CTNND2: variants seen among roughly 807,000 people sequenced by gnomAD.
CTNND2 encodes the protein catenin delta 2.
Under a neutral mutation model 144.4 loss-of-function variants are expected in CTNND2, and 22 were observed. That is an observed-to-expected ratio of 0.15 (90% CI 0.11 to 0.22). CTNND2 has a LOEUF of 0.22. Ranked by LOEUF, CTNND2 falls within the 10% of genes least tolerant of loss-of-function variation. The pLI is 1.00. For missense variants in CTNND2, 1,353 were observed against 1,618.8 expected (o/e 0.84, Z 2.82); for synonymous variants, 751 against 695.6 (o/e 1.08, Z -1.25).
At chr5:11,558,715 T>C (rs1362221318) in intron 3 of CTNND2, among the ~76,000 whole-genome samples, 1 of 152,100 alleles carries the variant, frequency 6.6e-6, no homozygotes, top group Non-Finnish European at 1.5e-5. Context: ...GCCCAGGTTG[T>C]CAGGATCAGG....
chr5:11,205,556 T>C (rs1737955933), intron 10 of CTNND2, among the ~76,000 whole-genome samples: 1 of 152,168 alleles, frequency 6.6e-6, no homozygotes, highest in East Asian at 1.9e-4. Context: ...AGCAGATGTA[T>C]GTAGAAATTG....
At chr5:11,647,082 G>C (rs759629135) in intron 2 of CTNND2, among the ~76,000 whole-genome samples, 7 of 152,054 alleles carry the variant, frequency 4.6e-5, no homozygotes, top group Non-Finnish European at 1.0e-4. Flanking sequence ...CAGAGTACTC[G>C]GTCACCACTG....
intron 11 of CTNND2, among the ~76,000 whole-genome samples, chr5:11,171,753 T>A (rs896505875): frequency 6.6e-6 from 1 of 152,170 alleles, no homozygotes; most frequent in Admixed American, 6.5e-5. Context: ...AAAGTCACCA[T>A]GGGAGGGCAT....
At chr5:11,833,546 C>G (rs1794019704) in intron 1 of CTNND2, among the ~76,000 whole-genome samples, 1 of 151,942 alleles carries the variant, frequency 6.6e-6, no homozygotes, top group Non-Finnish European at 1.5e-5. Flanking sequence ...TGTTTTGAGA[C>G]AGAGTCTTGC....
At chr5:11,610,506 T>C (rs1209158431) in intron 2 of CTNND2, among the ~76,000 whole-genome samples, 2 of 152,182 alleles carry the variant, frequency 1.3e-5, no homozygotes, top group African/African-American at 4.8e-5. Flanking sequence ...TAAATTACTA[T>C]GTTTTAATGC....
At chr5:11,425,846 C>A (rs987635962) in intron 3 of CTNND2, among the ~76,000 whole-genome samples, 2 of 152,134 alleles carry the variant, frequency 1.3e-5, no homozygotes, top group African/African-American at 2.4e-5. Context: ...GTTGGTTGGG[C>A]TCTCCTGAGA....
At chr5:11,401,025 T>C (rs1281094200) in intron 5 of CTNND2, among the ~76,000 whole-genome samples, 1 of 152,216 alleles carries the variant, frequency 6.6e-6, no homozygotes, top group Non-Finnish European at 1.5e-5. Flanking sequence ...GCCTCAGATT[T>C]TGGTGCTTCT....
intron 9 of CTNND2, among the ~76,000 whole-genome samples, chr5:11,334,874 A>G (rs1276709224): frequency 6.6e-6 from 1 of 152,198 alleles, no homozygotes; most frequent in Non-Finnish European, 1.5e-5. Context: ...TCAAAGAACA[A>G]AGCATATATT....
intron 1 of CTNND2, among the ~76,000 whole-genome samples, chr5:11,753,340 T>C (rs993035822): frequency 2.0e-5 from 3 of 151,894 alleles, no homozygotes; most frequent in African/African-American, 7.2e-5. Context: ...TATTTTGAGG[T>C]ATGTTCCTAC....
At chr5:10,978,501 G>C (rs369200746) in intron 21 of CTNND2, among the ~76,000 whole-genome samples, 5 of 70,124 alleles carry the variant, frequency 7.1e-5, no homozygotes, top group East Asian at 6.6e-4. Flanking sequence ...TTTTTGGGGA[G>C]GGGGGGGAAC....
intron 9 of CTNND2, among the ~76,000 whole-genome samples, chr5:11,238,180 G>A (rs1741843560): frequency 1.3e-5 from 2 of 152,064 alleles, no homozygotes; most frequent in South Asian, 4.2e-4. Context: ...CTAACAGGAC[G>A]AACTGTATGA....
At chr5:11,752,838 T>A (rs1317038385) in intron 1 of CTNND2, among the ~76,000 whole-genome samples, 1 of 151,818 alleles carries the variant, frequency 6.6e-6, no homozygotes, top group Non-Finnish European at 1.5e-5. Flanking sequence ...ATTTTATCAG[T>A]CATCTCAGAT....
chr5:11,333,075 C>T (rs1753345968), intron 9 of CTNND2, among the ~76,000 whole-genome samples: 1 of 152,162 alleles, frequency 6.6e-6, no homozygotes, highest in Non-Finnish European at 1.5e-5. Context: ...AATACATATT[C>T]ATCCTTTTCT....
chr5:11,182,861 G>A (rs768830335), intron 11 of CTNND2, among the ~76,000 whole-genome samples: 1 of 152,206 alleles, frequency 6.6e-6, no homozygotes, highest in Admixed American at 6.5e-5. Flanking sequence ...CTAATGGCAA[G>A]CAGCTTTAGG....
chr5:11,720,215 A>G (rs1234583234), intron 2 of CTNND2, among the ~76,000 whole-genome samples: 1 of 151,940 alleles, frequency 6.6e-6, no homozygotes, highest in African/African-American at 2.4e-5. Flanking sequence ...TTTTTCCATT[A>G]AAAAAAAGTC....
intron 12 of CTNND2, among the ~76,000 whole-genome samples, chr5:11,151,844 G>T (rs1757781036): frequency 6.6e-6 from 1 of 152,152 alleles, no homozygotes; most frequent in African/African-American, 2.4e-5. Flanking sequence ...AATAGTGTTT[G>T]GGAAGAAATT....
At chr5:11,178,650 A>G (rs1291081194) in intron 11 of CTNND2, among the ~76,000 whole-genome samples, 1 of 152,230 alleles carries the variant, frequency 6.6e-6, no homozygotes, top group Non-Finnish European at 1.5e-5. Flanking sequence ...TTTGAGATGT[A>G]AGACATCAGT....
At chr5:11,174,098 C>CACAGAGG (rs1760225331) in intron 11 of CTNND2, among the ~76,000 whole-genome samples, 1 of 152,150 alleles carries the variant, frequency 6.6e-6, no homozygotes, top group Non-Finnish European at 1.5e-5. Flanking sequence ...TGGAGACGTT[C>CACAGAGG]TGGCCTTGAG....
intron 1 of CTNND2, among the ~76,000 whole-genome samples, chr5:11,768,532 C>T (rs147714587): frequency 2.0e-3 from 305 of 152,280 alleles, no homozygotes; most frequent in African/African-American, 6.8e-3. Flanking sequence ...CCCATGTGAT[C>T]GGCCCACCTT....
Sources: gnomAD v4.1 joint callset for allele counts (sites outside exome capture counted in the v4.1 genomes callset) on GRCh38, gnomAD v4.1.1 for gene constraint, MANE v1.5 for transcripts, NCBI Gene and HGNC (gene_info 2026-07-23, HGNC 2026-07-21) for gene names.